IL1RAPL2: variants seen among roughly 807,000 people sequenced by gnomAD.
IL1RAPL2 encodes X-linked interleukin-1 receptor accessory protein-like 2.
Under a neutral mutation model 44.1 loss-of-function variants are expected in IL1RAPL2, and 3 were observed. That is an observed-to-expected ratio of 0.07 (90% CI 0.03 to 0.18). The LOEUF (loss-of-function observed/expected upper bound fraction) is 0.18. Ranked by LOEUF, IL1RAPL2 falls within the 10% of genes least tolerant of loss-of-function variation. The probability of loss-of-function intolerance (pLI) is 1.00; values close to 1 mark genes in which losing one functional copy is unlikely to be tolerated. For missense variants in IL1RAPL2, 391 were observed against 496.4 expected (o/e 0.79, Z 2.02); for synonymous variants, 181 against 178.8 (o/e 1.01, Z -0.10).
At chrX:105,590,836 T>TGC (rs1460072357) in intron 6 of IL1RAPL2, among the ~76,000 whole-genome samples, 1 of 102,433 alleles carries the variant, frequency 9.8e-6, no homozygotes, top group Non-Finnish European at 1.9e-5. Context: ...TGTGTGTGTG[T>TGC]GTGTGTGTGT....
At chrX:105,431,816 T>C (rs1409759909) in intron 5 of IL1RAPL2, among the ~76,000 whole-genome samples, 1 of 111,481 alleles carries the variant, frequency 9.0e-6, no homozygotes, top group Non-Finnish European at 1.9e-5. Context: ...TATAAGTGAA[T>C]CTATGAGAAT....
chrX:105,543,662 AC>A (rs2036763699), intron 6 of IL1RAPL2, among the ~76,000 whole-genome samples: 1 of 112,138 alleles, frequency 8.9e-6, no homozygotes, highest in Non-Finnish European at 1.9e-5. Flanking sequence ...TGGGAGATTA[AC>A]TTTTACACAT....
chrX:105,663,446 A>C (rs1208485857), intron 6 of IL1RAPL2, among the ~76,000 whole-genome samples: 1 of 112,042 alleles, frequency 8.9e-6, no homozygotes, highest in Non-Finnish European at 1.9e-5. Flanking sequence ...AACTGCATAA[A>C]ATTAACTGTA....
At chrX:104,585,962 T>C (rs1444875536) in intron 1 of IL1RAPL2, among the ~76,000 whole-genome samples, 2 of 111,570 alleles carry the variant, frequency 1.8e-5, no homozygotes, top group Non-Finnish European at 3.8e-5. Context: ...GTGTACGCAG[T>C]AATGGGATTG....
At chrX:105,118,362 G>A (rs185402338) in intron 2 of IL1RAPL2, among the ~76,000 whole-genome samples, 1 of 112,443 alleles carries the variant, frequency 8.9e-6, no homozygotes, top group Admixed American at 9.4e-5. Flanking sequence ...CAAGTGAGAG[G>A]AAAGGACATC....
At chrX:105,018,706 C>T (rs966554557) in intron 2 of IL1RAPL2, among the ~76,000 whole-genome samples, 11 of 111,264 alleles carry the variant, frequency 9.9e-5, no homozygotes, top group Admixed American at 2.9e-4. Context: ...TAAAATAATG[C>T]ATGCAAGTGA....
intron 2 of IL1RAPL2, among the ~76,000 whole-genome samples, chrX:104,941,105 A>G (rs753568234): frequency 9.0e-6 from 1 of 110,659 alleles, no homozygotes; most frequent in Non-Finnish European, 1.9e-5. Context: ...TCTATCATTG[A>G]TGGACATTTG....
chrX:105,203,058 T>G (rs782666650), intron 3 of IL1RAPL2, among the ~76,000 whole-genome samples: 1 of 111,395 alleles, frequency 9.0e-6, no homozygotes, highest in East Asian at 2.8e-4. Flanking sequence ...AGAAAAAAAA[T>G]GTAGTCAGGA....
chrX:104,990,772 A>C (rs1172110809), intron 2 of IL1RAPL2, among the ~76,000 whole-genome samples: 2 of 111,665 alleles, frequency 1.8e-5, no homozygotes, highest in Non-Finnish European at 3.8e-5. Context: ...AGCAGTTGAA[A>C]GACCTGTGTT....
At chrX:105,334,258 G>A (rs2035011287) in intron 5 of IL1RAPL2, among the ~76,000 whole-genome samples, 1 of 111,631 alleles carries the variant, frequency 9.0e-6, no homozygotes, top group African/African-American at 3.3e-5. Context: ...AATAAGCCAG[G>A]CACAAAAAGA....
chrX:105,490,435 T>A (rs2036308133), intron 6 of IL1RAPL2, among the ~76,000 whole-genome samples: 1 of 111,996 alleles, frequency 8.9e-6, no homozygotes, highest in Admixed American at 9.5e-5. Flanking sequence ...ATTTCATGAG[T>A]GTGTTATATG....
At chrX:105,551,629 A>C (rs1439037805) in intron 6 of IL1RAPL2, among the ~76,000 whole-genome samples, 1 of 111,944 alleles carries the variant, frequency 8.9e-6, no homozygotes, top group Non-Finnish European at 1.9e-5. Flanking sequence ...ATAAGCAAGA[A>C]TTTAGTCCTA....
chrX:105,609,747 G>GC (rs1350896318), intron 6 of IL1RAPL2, among the ~76,000 whole-genome samples: 1 of 111,167 alleles, frequency 9.0e-6, no homozygotes, highest in Non-Finnish European at 1.9e-5. Context: ...AAGCTCTGAT[G>GC]CCCCACACTC....
At chrX:105,030,032 T>C (rs187989017) in intron 2 of IL1RAPL2, among the ~76,000 whole-genome samples, 1 of 112,295 alleles carries the variant, frequency 8.9e-6, no homozygotes, top group Non-Finnish European at 1.9e-5. Flanking sequence ...ATGTGTTTTT[T>C]GGGGGCATAA....
intron 2 of IL1RAPL2, among the ~76,000 whole-genome samples, chrX:104,798,880 A>G (rs892641503): frequency 1.8e-5 from 2 of 111,120 alleles, no homozygotes; most frequent in Admixed American, 1.9e-4. Context: ...GGGGTGGCTT[A>G]AAGCCTTATT....
At chrX:104,793,882 T>A (rs1364401129) in intron 2 of IL1RAPL2, among the ~76,000 whole-genome samples, 1 of 111,387 alleles carries the variant, frequency 9.0e-6, no homozygotes, top group African/African-American at 3.3e-5. Context: ...AGTTTGGTGT[T>A]CTTGGCCACC....
chrX:105,716,037 C>T (rs1302222536), intron 6 of IL1RAPL2, among the ~76,000 whole-genome samples: 1 of 111,476 alleles, frequency 9.0e-6, no homozygotes. Flanking sequence ...TCCTCTATAA[C>T]CCTCAGCATG....
At chrX:105,471,588 T>G (rs192124149) in intron 5 of IL1RAPL2, among the ~76,000 whole-genome samples, 1 of 109,844 alleles carries the variant, frequency 9.1e-6, no homozygotes, top group Admixed American at 9.7e-5. Context: ...GCCTTTTTTT[T>G]TTTTCTCCCA....
At chrX:105,175,685 ATACTGTATTC>A (rs2147602422) in intron 2 of IL1RAPL2, among the ~76,000 whole-genome samples, 1 of 111,093 alleles carries the variant, frequency 9.0e-6, no homozygotes, top group East Asian at 2.8e-4. Flanking sequence ...TTTTAAAAAA[ATACTGTATTC>A]AAATACTGCA....
Sources: gnomAD v4.1 joint callset for allele counts (sites outside exome capture counted in the v4.1 genomes callset) on GRCh38, gnomAD v4.1.1 for gene constraint, MANE v1.5 for transcripts, NCBI Gene and HGNC (gene_info 2026-07-23, HGNC 2026-07-21) for gene names.